The following CHDH variants were observed in gnomAD, a reference collection of about 807,000 sequenced individuals.
CHDH encodes choline dehydrogenase.
A neutral mutation model predicts 56.9 loss-of-function variants in CHDH; 43 were observed. The observed-to-expected ratio is 0.76, with a 90% CI of 0.59 to 0.97. The LOEUF is 0.97. Ranked by LOEUF, CHDH falls within the 50% of genes least tolerant of loss-of-function variation. CHDH has a pLI of 0.00. For missense variants in CHDH, 816 were observed against 821.1 expected (o/e 0.99, Z 0.08); for synonymous variants, 364 against 348.5 (o/e 1.04, Z -0.50).
intron 2 of CHDH, among the ~76,000 whole-genome samples, chr3:53,835,989 A>T (rs1698482648): frequency 6.6e-6 from 1 of 152,222 alleles, no homozygotes; most frequent in South Asian, 2.1e-4. Context: ...GCATGCAAAA[A>T]GGTGCAAGAC....
At chr3:53,832,880 G>A (rs1698381418) in intron 2 of CHDH, among the ~76,000 whole-genome samples, 1 of 152,208 alleles carries the variant, frequency 6.6e-6, no homozygotes, top group Non-Finnish European at 1.5e-5. Context: ...GTACAACATT[G>A]TGAATATACT....
chr3:53,841,610 T>C (rs1698671498), intron 1 of CHDH, among the ~76,000 whole-genome samples: 1 of 152,226 alleles, frequency 6.6e-6, no homozygotes, highest in Non-Finnish European at 1.5e-5. Flanking sequence ...TTCAGACTTC[T>C]GGGTGGGTTT....
In CHDH at chr3:53,823,812, C is replaced by T. The variant is rs761638939; in HGVS notation, c.197G>A (p.Arg66His). The T allele has an allele frequency of 7.4e-5, 118 of 1,584,514 alleles. No homozygotes were observed. The East Asian group carries it at 2.1e-3, about 28-fold the overall frequency. Residue 66 changes from arginine (R) to histidine (H), a missense_variant, in exon 3 of 9, where the codon CGC (arginine) becomes CAC (histidine). Coordinates refer to ENST00000315251, the MANE Select transcript of CHDH (RefSeq NM_018397.5). ...GGGCCCGGCCTCCAGCAGCAGCACG[C>T]GCTCGGCGGGGTCCTCCGTGAGCCT... ...AGRLTEDPAE[R>H]VLLLEAGPKD...
intron 2 of CHDH, among the ~76,000 whole-genome samples, chr3:53,836,220 C>T (rs777725909): frequency 1.3e-4 from 20 of 152,154 alleles, no homozygotes; most frequent in Non-Finnish European, 2.2e-4. Context: ...TGGGCAGCTG[C>T]TCCTCCTCTC....
chr3:53,823,565 C>G lies in CHDH; in HGVS notation c.444G>C (p.Glu148Asp). ...VYVRGHAEDY[E>D]RWQRQGARGW... ...CGCGGGCGCCCTGGCGCTGCCAGCG[C>G]TCGTAGTCCTCGGCGTGCCCACGGA... Residue 148 changes from glutamate (E) to aspartate (D), a missense_variant, in exon 3 of 9, where the codon GAG becomes GAC. Transcript: ENST00000315251. The G allele has an allele frequency of 6.5e-7, 1 of 1,543,138 alleles. No individual in the cohort carries two copies. Among genetic ancestry groups the G allele is most frequent in the East Asian group, 2.4e-5 (1 of 40,844 alleles).
chr3:53,824,588 C>T (rs894022733), intron 2 of CHDH, among the ~76,000 whole-genome samples: 2 of 152,214 alleles, frequency 1.3e-5, no homozygotes, highest in South Asian at 2.1e-4. Context: ...ATGAGAGGCA[C>T]GAGACTGTAG....
At chr3:53,835,269 T>TAA (rs1182828870) in intron 2 of CHDH, among the ~76,000 whole-genome samples, 11 of 152,150 alleles carry the variant, frequency 7.2e-5, no homozygotes, top group Admixed American at 6.5e-4. Flanking sequence ...TTAACACATT[T>TAA]AAAAAGTGGC....
At chr3:53,821,403 G>A (rs1006186325) in intron 5 of CHDH, among the ~76,000 whole-genome samples, 2 of 151,652 alleles carry the variant, frequency 1.3e-5, no homozygotes, top group African/African-American at 4.8e-5. Context: ...CTGCTGCAGG[G>A]TGCCCTTCTC....
Position 53,816,131 on chromosome 3 carries a change from A to ACCCCCCC in CHDH, c.*1645_*1646insGGGGGGG, listed in dbSNP as rs202031062. Reference sequence around the variant, plus strand: ...CAGAAAACTAACTTGTGGCTGTCGGACGCCCCCCCCCCCCGCCCCAGTCTG... The same window carrying ACCCCCCC: ...CAGAAAACTAACTTGTGGCTGTCGGACCCCCCCCGCCCCCCCCCCCCGCCCCAGTCTG... On this transcript the variant is annotated 3_prime_UTR_variant, in exon 9 of 9. Transcript: ENST00000315251. The ACCCCCCC allele has an allele frequency of 4.7e-4, 41 of 86,992 alleles. No individual in the cohort carries two copies. The highest frequency in any genetic ancestry group is 1.5e-3 in the African/African-American group (22 of 14,308). 5.4% of individuals were successfully genotyped at this position (86,992 alleles called of 1,614,324 possible). A position where few individuals can be genotyped will look rare whatever the true frequency, so the allele number is the denominator to read the frequency against.
intron 3 of CHDH, among the ~76,000 whole-genome samples, chr3:53,823,088 A>G (rs1190613048): frequency 6.6e-6 from 1 of 152,102 alleles, no homozygotes; most frequent in East Asian, 1.9e-4. Flanking sequence ...CCAGAGGTGC[A>G]GAGAACGCCC....
At chr3:53,832,721 T>C (rs1185155115) in intron 2 of CHDH, among the ~76,000 whole-genome samples, 1 of 152,154 alleles carries the variant, frequency 6.6e-6, no homozygotes, top group Non-Finnish European at 1.5e-5. Flanking sequence ...TGTATGATTC[T>C]ATGGAATAGG....
Position 53,819,814 on chromosome 3 carries a change from G to A in CHDH, c.1121-140C>T, listed in dbSNP as rs977028858. On this transcript the variant is annotated intron_variant, in intron 6 of 8. Coordinates refer to ENST00000315251, the MANE Select transcript of CHDH (RefSeq NM_018397.5). The surrounding 1 kb of genome is among the most constrained non-coding windows in gnomAD (Gnocchi z 5.4). ...ACTCTAGTGCCTGGACCCAAGTCCT[G>A]TCCACATCTGTTCACCCCTCACAGG... 8.1e-6 allele frequency: 8 copies of A among 991,618 alleles called. No homozygotes were observed. In the African/African-American group the frequency reaches 1.3e-4, roughly 16 times the overall value. The allele number at this position is 991,618 out of a possible 1,614,324, so 61.4% of individuals were successfully genotyped here. A position where few individuals can be genotyped will look rare whatever the true frequency, so the allele number is the denominator to read the frequency against.
At position 53,816,788 on chromosome 3, in the gene CHDH, G is replaced by T. The variant is rs529972455; in HGVS notation, c.*989C>A. ...AAAACCTTTGGTAGTGAAGCCAAGC[G>T]GCATTCCCTCCAGACTCCTCTCCCC... On this transcript the variant is annotated 3_prime_UTR_variant, in exon 9 of 9. Coordinates refer to ENST00000315251, the MANE Select transcript of CHDH (RefSeq NM_018397.5). The T allele has an allele frequency of 6.6e-6, 1 of 151,484 alleles. No individual in the cohort carries two copies. Among genetic ancestry groups the T allele is most frequent in the Non-Finnish European group, 1.5e-5 (1 of 68,018 alleles). 9.4% of individuals were successfully genotyped at this position (151,484 alleles called of 1,614,324 possible).
At chr3:53,840,884 A>G (rs1215192022) in intron 2 of CHDH, 45 bp downstream of exon 2, 1 of 152,128 alleles carries the variant, frequency 6.6e-6, no homozygotes, top group Non-Finnish European at 1.5e-5. Context: ...TTTTCAAGTA[A>G]ACTTTTAACC....
intron 2 of CHDH, among the ~76,000 whole-genome samples, chr3:53,832,296 C>A (rs1361693663): frequency 6.6e-6 from 1 of 152,124 alleles, no homozygotes; most frequent in African/African-American, 2.4e-5. Flanking sequence ...CTTTGGGAGG[C>A]CAAGGTAGGC....
intron 5 of CHDH, 112 bp downstream of exon 5, chr3:53,821,535 C>T: frequency 2.1e-6 from 2 of 956,676 alleles, no homozygotes; most frequent in South Asian, 1.6e-5. Flanking sequence ...TGTGATAGTT[C>T]CAAGGATCAC....
At chr3:53,824,738 G>A (rs1031665511) in intron 2 of CHDH, among the ~76,000 whole-genome samples, 2 of 152,056 alleles carry the variant, frequency 1.3e-5, no homozygotes, top group Non-Finnish European at 2.9e-5. Context: ...GCTTTGAAAG[G>A]GCCCTTTCCT....
At chr3:53,837,523 G>A (rs1698534621) in intron 2 of CHDH, among the ~76,000 whole-genome samples, 1 of 152,352 alleles carries the variant, frequency 6.6e-6, no homozygotes, top group East Asian at 1.9e-4. Context: ...CCCAGGGCAG[G>A]GTTTCCTGTT....
chr3:53,822,732 A>G, intron 3 of CHDH, 90 bp from the exon 4 acceptor site: 1 of 1,474,906 alleles, frequency 6.8e-7, no homozygotes. Context: ...AAGAGTGGAT[A>G]TGCCCAGCTC....
Sources: allele counts gnomAD v4.1 joint callset (sites outside exome capture counted in the v4.1 genomes callset), GRCh38; gene constraint gnomAD v4.1.1; non-coding constraint Gnocchi (gnomAD v3.1); transcripts MANE v1.5; gene names NCBI Gene and HGNC (gene_info 2026-07-23, HGNC 2026-07-21).